The following WDR49 variants were observed in gnomAD, a reference collection of about 807,000 sequenced individuals.
The protein encoded by WDR49 is cilia- and flagella-associated protein 337.
In WDR49, 107 loss-of-function variants were observed where a neutral mutation model predicts 119.5. The ratio of observed to expected loss-of-function variants is 0.90; its 90% CI spans 0.77 to 1.05. The LOEUF is 1.05. WDR49 is among the 50% of genes least tolerant of loss of function. The pLI is 0.00. For missense variants in WDR49, 1,240 were observed against 1,220.5 expected (o/e 1.02, Z -0.24); for synonymous variants, 425 against 418.8 (o/e 1.01, Z -0.18).
At chr3:167,557,269 G>C (rs1386994027) in intron 9 of WDR49, among the ~76,000 whole-genome samples, 1 of 152,068 alleles carries the variant, frequency 6.6e-6, no homozygotes, top group Admixed American at 6.6e-5. Flanking sequence ...TCTCACAGAT[G>C]ATTAAAAATT....
chr3:167,626,386 T>A (rs937680305), intron 3 of WDR49, among the ~76,000 whole-genome samples: 3 of 152,050 alleles, frequency 2.0e-5, no homozygotes, highest in Non-Finnish European at 2.9e-5. Context: ...ACCTTCCCCA[T>A]CAAAATTATT....
At chr3:167,631,220 T>C (rs1267132428) in intron 2 of WDR49, among the ~76,000 whole-genome samples, 3 of 151,906 alleles carry the variant, frequency 2.0e-5, no homozygotes, top group African/African-American at 7.3e-5. Flanking sequence ...TACCTACATA[T>C]CAAACCCGCA....
At position 167,529,116 on chromosome 3, in the gene WDR49, T is replaced by C. The variant is rs758256086; in HGVS notation, c.2342A>G (p.Asp781Gly). Residue 781 changes from aspartate to glycine, a missense_variant, in exon 14 of 19, where the codon GAT becomes GGT. Coordinates refer to ENST00000682715, the MANE Select transcript of WDR49 (RefSeq NM_001366157.1). ...TGTGGTAAGGTATCGATTCATCTTA[T>C]CAGTAGACATAATAATCGATCCAAC... The part of the protein sequence containing the change: ...SGVGSIIMST[D>G]KMNRYLTTGD... The C allele has an allele frequency of 1.2e-6, 2 of 1,611,264 alleles. No homozygotes were observed. The highest frequency in any genetic ancestry group is 1.1e-5 in the South Asian group (1 of 90,588).
intron 17 of WDR49, among the ~76,000 whole-genome samples, chr3:167,501,947 A>G (rs1291654122): frequency 6.6e-6 from 1 of 152,174 alleles, no homozygotes; most frequent in Admixed American, 6.5e-5. Flanking sequence ...TCTGACTAAT[A>G]TAGTAAGGAT....
At chr3:167,586,789 C>A (rs1714840740) in intron 7 of WDR49, among the ~76,000 whole-genome samples, 1 of 152,102 alleles carries the variant, frequency 6.6e-6, no homozygotes, top group Non-Finnish European at 1.5e-5. Flanking sequence ...TAATGTAATG[C>A]AAACAAAACA....
In WDR49 at chr3:167,510,730, C is replaced by T. The variant is rs1022083723; in HGVS notation, c.2775-5314G>A. 9.9e-5 allele frequency among the ~76,000 whole-genome samples: 15 copies of T among 152,184 alleles called. No individual in the cohort carries two copies. The South Asian group carries it at 3.1e-3, about 32-fold the overall frequency. ...CAATTTTTTAACCTGGAAAGAGACT[C>T]TTAGGTGTTAAAATGAGAAAATAGC... On this transcript the variant is annotated intron_variant, in intron 16 of 18. Coordinates refer to ENST00000682715, the MANE Select transcript of WDR49 (RefSeq NM_001366157.1).
chr3:167,575,375 A>T, intron 8 of WDR49: 1 of 818,558 alleles, frequency 1.2e-6, no homozygotes, highest in Non-Finnish European at 1.5e-6. Context: ...AAGGCTGCGG[A>T]GCGTCATTAA....
intron 9 of WDR49, among the ~76,000 whole-genome samples, chr3:167,555,705 C>T (rs1039965832): frequency 1.3e-5 from 2 of 152,152 alleles, no homozygotes; most frequent in African/African-American, 4.8e-5. Flanking sequence ...GGAAAAATCC[C>T]TACACACATT....
intron 16 of WDR49, among the ~76,000 whole-genome samples, chr3:167,509,277 T>C (rs571210803): frequency 6.6e-6 from 1 of 152,294 alleles, no homozygotes; most frequent in East Asian, 1.9e-4. Flanking sequence ...AGATGGATTT[T>C]ACTTAACATT....
At chr3:167,601,021 T>G (rs1176386339) in intron 7 of WDR49, among the ~76,000 whole-genome samples, 4 of 152,158 alleles carry the variant, frequency 2.6e-5, no homozygotes, top group African/African-American at 9.7e-5. Context: ...ACTTGCAAAT[T>G]AGCAGAATGG....
intron 17 of WDR49, among the ~76,000 whole-genome samples, chr3:167,503,081 G>A (rs183686254): frequency 7.2e-5 from 11 of 152,280 alleles, no homozygotes; most frequent in South Asian, 2.1e-4. Context: ...CTCCATATCC[G>A]TGCAGCTCCA....
chr3:167,621,943 T>G (rs1295865609), intron 3 of WDR49, among the ~76,000 whole-genome samples: 1 of 152,058 alleles, frequency 6.6e-6, no homozygotes, highest in African/African-American at 2.4e-5. Flanking sequence ...CAGGAGAGAC[T>G]AAGGCACAGA....
intron 10 of WDR49, among the ~76,000 whole-genome samples, chr3:167,542,836 A>G (rs1394424610): frequency 6.6e-6 from 1 of 152,084 alleles, no homozygotes; most frequent in Non-Finnish European, 1.5e-5. Context: ...AAAATGCAAA[A>G]GATAAATGCA....
intron 16 of WDR49, among the ~76,000 whole-genome samples, chr3:167,517,663 T>A (rs1752268346): frequency 6.6e-6 from 1 of 151,838 alleles, no homozygotes; most frequent in Admixed American, 6.6e-5. Flanking sequence ...AACTAAAAAT[T>A]GACCAATGAG....
rs200401422 is a variant in WDR49 at position 167,636,589 on chromosome 3, T to C, written c.166-9297A>G. On this transcript the variant is annotated intron_variant, in intron 2 of 18. Transcript: ENST00000682715. Reference sequence around the variant, plus strand: ...TCCACACTGTTTTTCACAGTGGTTGTACTAGTTTGCATTCCCACCAGCAAT... The same window carrying C: ...TCCACACTGTTTTTCACAGTGGTTGCACTAGTTTGCATTCCCACCAGCAAT... Among the ~76,000 whole-genome samples the C allele has an allele frequency of 1.3e-4, 20 of 151,900 alleles. No individual in the cohort carries two copies. In the East Asian group the frequency reaches 3.7e-3, roughly 28 times the overall value.
In WDR49 at chr3:167,537,011, G is replaced by A; in HGVS notation, c.1824-11C>T. ...AACACAGTAATAGCCCTAGCAAAAA[G>A]GATATAGAATTTAGCTGTGGATCTA... On this transcript the variant is annotated splice_polypyrimidine_tract_variant and intron_variant, in intron 10 of 18. Transcript: ENST00000682715. The A allele has an allele frequency of 6.4e-7, 1 of 1,565,960 alleles. No homozygotes were observed. Among genetic ancestry groups the A allele is most frequent in the Non-Finnish European group, 8.6e-7 (1 of 1,158,564 alleles).
chr3:167,631,342 A>T (rs940564734), intron 2 of WDR49, among the ~76,000 whole-genome samples: 1 of 152,030 alleles, frequency 6.6e-6, no homozygotes, highest in Non-Finnish European at 1.5e-5. Flanking sequence ...GTCAAAAAGG[A>T]CGCTTGTTTA....
chr3:167,549,682 A>G (rs1434417635), intron 10 of WDR49, among the ~76,000 whole-genome samples: 1 of 152,114 alleles, frequency 6.6e-6, no homozygotes, highest in African/African-American at 2.4e-5. Context: ...TGCTATGCAG[A>G]AGCTCTTTAG....
chr3:167,520,781 T>G (rs1041441149), intron 16 of WDR49, among the ~76,000 whole-genome samples: 15 of 152,146 alleles, frequency 9.9e-5, no homozygotes, highest in African/African-American at 3.6e-4. Context: ...AAGAGTCATT[T>G]TGCCAAGAAG....
Sources: gnomAD v4.1 joint callset for allele counts (sites outside exome capture counted in the v4.1 genomes callset) on GRCh38, gnomAD v4.1.1 for gene constraint, MANE v1.5 for transcripts, NCBI Gene and HGNC (gene_info 2026-07-23, HGNC 2026-07-21) for gene names.